Variants in WDFY4 observed in about 807,000 individuals in gnomAD.
WDFY4 encodes WD repeat- and FYVE domain-containing protein 4.
WDFY4 carries 169 observed loss-of-function variants against 351.9 expected under a neutral mutation model. The ratio of observed to expected loss-of-function variants is 0.48; its 90% CI spans 0.42 to 0.55. WDFY4 has a LOEUF of 0.55. Ranked by LOEUF, WDFY4 falls within the 20% of genes least tolerant of loss-of-function variation. The pLI is 0.00. For synonymous variants in WDFY4, 1,622 were observed against 1,574.6 expected, an observed-to-expected ratio of 1.03 and a Z score of -0.71; for missense variants, 3,803 against 3,935.6, an observed-to-expected ratio of 0.97 and a Z score of 0.90.
At chr10:48,940,261 C>G (rs1840683451) in intron 47 of WDFY4, among the ~76,000 whole-genome samples, 2 of 152,264 alleles carry the variant, frequency 1.3e-5, no homozygotes, top group Non-Finnish European at 2.9e-5. Flanking sequence ...TGACCCTTTA[C>G]AAGCTAAAGC....
At chr10:48,745,661 TC>T in intron 12 of WDFY4, 1 of 577,820 alleles carries the variant, frequency 1.7e-6, no homozygotes, top group Non-Finnish European at 3.3e-6. Flanking sequence ...GCCTTCTCCT[TC>T]CTCTTCTCCT....
intron 14 of WDFY4, 109 bp from the exon 15 acceptor site, chr10:48,775,603 C>A: frequency 5.9e-6 from 6 of 1,019,246 alleles, no homozygotes; most frequent in Non-Finnish European, 8.8e-6. Context: ...TCCAGTGGGG[C>A]TGGGAGGTCA....
chr10:48,938,571 G>A (rs367647539), intron 47 of WDFY4, among the ~76,000 whole-genome samples: 15 of 152,348 alleles, frequency 9.8e-5, no homozygotes, highest in South Asian at 4.1e-4. Flanking sequence ...GTAGGGTGGA[G>A]GTGCTGTTTG....
chr10:48,883,008 T>C (rs2133333485), intron 43 of WDFY4, among the ~76,000 whole-genome samples: 1 of 152,350 alleles, frequency 6.6e-6, no homozygotes, highest in East Asian at 1.9e-4. Context: ...GTTCCCTCTC[T>C]ACTGCCTCCC....
At chr10:48,790,566 C>T (rs532930661) in intron 22 of WDFY4, among the ~76,000 whole-genome samples, 161 bp from the exon 23 acceptor site, 2 of 152,352 alleles carry the variant, frequency 1.3e-5, no homozygotes, top group South Asian at 4.1e-4. Context: ...ACTTTCAGAA[C>T]CTCCTGCTCT....
intron 39 of WDFY4, among the ~76,000 whole-genome samples, chr10:48,860,149 A>G (rs1409428078): frequency 6.6e-6 from 1 of 152,170 alleles, no homozygotes; most frequent in Non-Finnish European, 1.5e-5. Context: ...TTTTGTTTCA[A>G]TCATTTTTCT....
chr10:48,786,114 T>A (rs1315866643), intron 19 of WDFY4, among the ~76,000 whole-genome samples: 4 of 152,196 alleles, frequency 2.6e-5, no homozygotes, highest in Admixed American at 2.6e-4. Flanking sequence ...TAAGTGGTAT[T>A]GTGTTTAATT....
In WDFY4 at chr10:48,811,599, G is replaced by A. The variant is rs1006734794; in HGVS notation, c.5105G>A (p.Arg1702His). Reference protein sequence around the residue: ...EQSPCLLPGFRVLNDFLAHHV... With the variant: ...EQSPCLLPGFHVLNDFLAHHV... ...AGCCCATGCCTGCTTCCTGGGTTCC[G>A]TGTCTTGAATGACTTTCTGGCCCAC... The change falls in exon 30 of 62, where the codon CGT becomes CAT. Residue 1702 changes from arginine to histidine, a missense_variant. Arg to His is a conservative substitution (Grantham distance 29). Coordinates refer to ENST00000325239, the MANE Select transcript of WDFY4 (RefSeq NM_001394531.1). The A allele has an allele frequency of 4.0e-5, 62 of 1,552,096 alleles. No homozygotes were observed. In the East Asian group the frequency reaches 7.6e-4, roughly 19 times the overall value.
chr10:48,790,844 T>C lies in WDFY4; in HGVS notation c.4184T>C (p.Val1395Ala). 6.4e-7 allele frequency: 1 copy of C among 1,551,772 alleles called. No individual in the cohort carries two copies. Among genetic ancestry groups the C allele is most frequent in the Non-Finnish European group, 8.7e-7 (1 of 1,147,000 alleles). Residue 1395 changes from valine (V) to alanine (A), a missense_variant, in exon 23 of 62, where the codon GTG becomes GCG. Val to Ala is a moderately conservative substitution (Grantham distance 64). Around this residue, in one of 3 missense-constraint regions of WDFY4, gnomAD observed 3,054 missense variants for 3,148.6 expected, o/e 0.97. Transcript: ENST00000325239. ...GATGACCATACCATGTATGCGGCTG[T>C]GAAAGTTCTGCACTCGGTCCTGACC... ...ATDDHTMYAA[V>A]KVLHSVLTSN...
In WDFY4 at chr10:48,806,097, TGA is replaced by T; in HGVS notation, c.4738+5_4738+6del. 6.4e-7 allele frequency: 1 copy of T among 1,551,524 alleles called. No individual in the cohort carries two copies. The highest frequency in any genetic ancestry group is 8.7e-7 in the Non-Finnish European group (1 of 1,146,934). On this transcript the variant is annotated splice_donor_region_variant and intron_variant, in intron 27 of 61. Transcript: ENST00000325239. ...GAGCCCTGGACCCTTCCCTGCCTGG[TGA>T]GAAGACCTTTGCCAGTTCGAAGGCA...
chr10:48,905,765 C>A (rs994697363), intron 47 of WDFY4, among the ~76,000 whole-genome samples: 3 of 152,262 alleles, frequency 2.0e-5, no homozygotes, highest in African/African-American at 7.2e-5. Context: ...CAAGACTGTG[C>A]TAAATAAACA....
chr10:48,831,734 G>T (rs2068195328), intron 38 of WDFY4, among the ~76,000 whole-genome samples: 1 of 152,190 alleles, frequency 6.6e-6, no homozygotes, highest in Non-Finnish European at 1.5e-5. Flanking sequence ...GGTGCCAGTA[G>T]ATCTGGTGCC....
intron 39 of WDFY4, among the ~76,000 whole-genome samples, chr10:48,846,507 C>A (rs2068781867): frequency 6.6e-6 from 1 of 152,222 alleles, no homozygotes; most frequent in South Asian, 2.1e-4. Flanking sequence ...AGGGCCTGAA[C>A]TAGAGCAGGT....
intron 11 of WDFY4, among the ~76,000 whole-genome samples, chr10:48,740,583 A>C (rs2064820647): frequency 6.6e-6 from 1 of 152,218 alleles, no homozygotes; most frequent in Non-Finnish European, 1.5e-5. Flanking sequence ...TACTCCAACA[A>C]TCCACATGCT....
intron 42 of WDFY4, among the ~76,000 whole-genome samples, 170 bp downstream of exon 42, chr10:48,875,310 C>T (rs2069953946): frequency 1.3e-5 from 2 of 152,110 alleles, no homozygotes; most frequent in Admixed American, 1.3e-4. Context: ...CGATTTCAGC[C>T]CTAGACACTT....
intron 51 of WDFY4, among the ~76,000 whole-genome samples, chr10:48,955,838 T>G (rs973148102): frequency 9.2e-5 from 14 of 151,870 alleles, no homozygotes; most frequent in Admixed American, 2.0e-4. Context: ...GGGAAGGGAG[T>G]GGCGGGCACA....
chr10:48,976,697 A>T, intron 58 of WDFY4, 100 bp from the exon 59 acceptor site: 2 of 1,123,636 alleles, frequency 1.8e-6, no homozygotes, highest in Non-Finnish European at 2.3e-6. Context: ...AGAGCATGAC[A>T]GATTGAGAGT....
chr10:48,714,779 A>G (rs762451799), intron 2 of WDFY4, among the ~76,000 whole-genome samples: 11 of 152,268 alleles, frequency 7.2e-5, no homozygotes, highest in South Asian at 2.1e-4. Context: ...TGCAAAATCT[A>G]TCAGTGTCTG....
chr10:48,707,089 G>T (rs1054810539), intron 1 of WDFY4, among the ~76,000 whole-genome samples: 1 of 152,138 alleles, frequency 6.6e-6, no homozygotes, highest in African/African-American at 2.4e-5. Context: ...AGAAAGACAA[G>T]CAAGGAAAAA....
Sources: allele counts gnomAD v4.1 joint callset (sites outside exome capture counted in the v4.1 genomes callset), GRCh38; gene constraint gnomAD v4.1.1; regional missense constraint gnomAD v4.1.1; transcripts MANE v1.5; gene names NCBI Gene and HGNC (gene_info 2026-07-23, HGNC 2026-07-21).